The following TEC variants were observed in gnomAD, a reference collection of about 807,000 sequenced individuals.
TEC encodes tec protein tyrosine kinase, also known as tyrosine-protein kinase Tec.
TEC carries 72 observed loss-of-function variants against 93.0 expected under a neutral mutation model. The observed-to-expected ratio is 0.77, with a 90% CI of 0.64 to 0.94. The LOEUF is 0.94. TEC is among the 40% of genes least tolerant of loss of function. TEC has a pLI of 0.00. For missense variants in TEC, 630 were observed against 757.9 expected (o/e 0.83, Z 1.98); for synonymous variants, 249 against 247.7 (o/e 1.01, Z -0.05).
At chr4:48,198,886 TGTATATTCAAAG>T (rs1722395106) in intron 2 of TEC, among the ~76,000 whole-genome samples, 1 of 152,222 alleles carries the variant, frequency 6.6e-6, no homozygotes, top group South Asian at 2.1e-4. Flanking sequence ...CTGTGCAAAA[TGTATATTCAAAG>T]GTACCAAGGA....
chr4:48,262,426 A>G (rs956223844), intron 1 of TEC, among the ~76,000 whole-genome samples: 4 of 151,872 alleles, frequency 2.6e-5, no homozygotes, highest in African/African-American at 9.7e-5. Context: ...TGAACTCCTG[A>G]CTTCAAGTGA....
rs780984861 is a variant in TEC at position 48,145,156 on chromosome 4, C to T, written c.1393G>A (p.Val465Ile). 1.9e-6 allele frequency: 3 copies of T among 1,613,958 alleles called. No individual in the cohort carries two copies. Among genetic ancestry groups the T allele is most frequent in the Non-Finnish European group, 2.5e-6 (3 of 1,179,996 alleles). The change falls in exon 14 of 18, where the codon GTA (valine) becomes ATA (isoleucine). Residue 465 changes from valine (V) to isoleucine (I), a missense_variant. By Grantham distance (29) the Val-to-Ile change is conservative. Coordinates refer to ENST00000381501, the MANE Select transcript of TEC (RefSeq NM_003215.3). Reference sequence around the variant, plus strand: ...ACATCCTGACACATGCTCAGCAGTACGTCTCTACTGAAATGACCTTGTCTC... The same window carrying T: ...ACATCCTGACACATGCTCAGCAGTATGTCTCTACTGAAATGACCTTGTCTC... Reference protein sequence around the residue: ...RQRQGHFSRDVLLSMCQDVCE... With the variant: ...RQRQGHFSRDILLSMCQDVCE...
chr4:48,229,221 CCA>C (rs1723576384), intron 1 of TEC, among the ~76,000 whole-genome samples: 1 of 152,140 alleles, frequency 6.6e-6, no homozygotes, highest in Non-Finnish European at 1.5e-5. Flanking sequence ...CTACCATGCT[CCA>C]GAGTTCTCTT....
At chr4:48,209,530 C>T (rs1473488022) in intron 2 of TEC, among the ~76,000 whole-genome samples, 2 of 151,972 alleles carry the variant, frequency 1.3e-5, no homozygotes, top group African/African-American at 4.8e-5. Flanking sequence ...GGAGGATGGC[C>T]TGAGCCCAGG....
At chr4:48,213,447 ATATT>A (rs1722975845) in intron 2 of TEC, among the ~76,000 whole-genome samples, 1 of 152,240 alleles carries the variant, frequency 6.6e-6, no homozygotes, top group Middle Eastern at 3.2e-3. Flanking sequence ...GTGAACATTA[ATATT>A]TATTTATCTC....
intron 1 of TEC, among the ~76,000 whole-genome samples, chr4:48,261,743 C>T (rs2109679467): frequency 6.6e-6 from 1 of 152,238 alleles, no homozygotes; most frequent in South Asian, 2.1e-4. Context: ...AAGTCTGTCG[C>T]TTTGATACTC....
intron 2 of TEC, among the ~76,000 whole-genome samples, chr4:48,197,018 C>T (rs1722321361): frequency 6.6e-6 from 1 of 152,182 alleles, no homozygotes; most frequent in Non-Finnish European, 1.5e-5. Flanking sequence ...CACACGATAG[C>T]AGGGAGCATC....
At chr4:48,191,712 A>G (rs1722098743) in intron 2 of TEC, among the ~76,000 whole-genome samples, 1 of 152,282 alleles carries the variant, frequency 6.6e-6, no homozygotes, top group South Asian at 2.1e-4. Flanking sequence ...CATGCCTGTA[A>G]TCCCAGCAAC....
At chr4:48,208,931 G>A (rs1416695569) in intron 2 of TEC, among the ~76,000 whole-genome samples, 1 of 152,198 alleles carries the variant, frequency 6.6e-6, no homozygotes, top group Non-Finnish European at 1.5e-5. Context: ...GTCTGTGGGT[G>A]CCTTCCAAGT....
chr4:48,182,513 GC>G (rs1356858591), intron 2 of TEC, among the ~76,000 whole-genome samples: 1 of 148,952 alleles, frequency 6.7e-6, no homozygotes, highest in African/African-American at 2.5e-5. Context: ...GACCCAGTAT[GC>G]AAAGGACCAT....
chr4:48,138,428 C>A (rs1719518150), intron 17 of TEC, among the ~76,000 whole-genome samples: 1 of 152,176 alleles, frequency 6.6e-6, no homozygotes, highest in Non-Finnish European at 1.5e-5. Context: ...GGAAGGAGTC[C>A]CACTTGGAAG....
intron 9 of TEC, chr4:48,153,666 G>C (rs550158074): frequency 6.6e-6 from 1 of 152,256 alleles, no homozygotes; most frequent in Non-Finnish European, 1.5e-5. Flanking sequence ...GCACAAATGA[G>C]TTAAAAACAA....
intron 2 of TEC, among the ~76,000 whole-genome samples, chr4:48,216,661 T>C (rs1171428918): frequency 1.3e-5 from 2 of 152,218 alleles, no homozygotes; most frequent in Non-Finnish European, 2.9e-5. Context: ...CTTTTTGTAA[T>C]TGCCTTCAGT....
intron 2 of TEC, among the ~76,000 whole-genome samples, chr4:48,197,279 G>C (rs1722332352): frequency 6.6e-6 from 1 of 152,154 alleles, no homozygotes; most frequent in Admixed American, 6.5e-5. Flanking sequence ...TCTGCCACAT[G>C]CTCACTCTGC....
intron 1 of TEC, among the ~76,000 whole-genome samples, chr4:48,232,276 A>G (rs2704403): frequency 0.23 from 34,491 of 151,396 alleles, 4,520 homozygotes; most frequent in African/African-American, 0.35. Context: ...GTGACAGGGC[A>G]AGACTCTGTC....
chr4:48,146,922 G>T (rs1719941020), intron 11 of TEC, among the ~76,000 whole-genome samples: 1 of 152,128 alleles, frequency 6.6e-6, no homozygotes, highest in African/African-American at 2.4e-5. Flanking sequence ...TCTACTACAA[G>T]ATATCTCAAA....
intron 2 of TEC, among the ~76,000 whole-genome samples, chr4:48,200,838 G>A (rs1722480922): frequency 1.3e-5 from 2 of 152,318 alleles, no homozygotes; most frequent in South Asian, 2.1e-4. Flanking sequence ...CAAAAGATAA[G>A]CTAGGACTAT....
chr4:48,146,950 T>G (rs1019747435), intron 11 of TEC, among the ~76,000 whole-genome samples: 6 of 152,224 alleles, frequency 3.9e-5, no homozygotes, highest in Non-Finnish European at 7.3e-5. Context: ...AAAATCGTTA[T>G]GTACTTCTCT....
At chr4:48,183,752 T>G (rs1013009855) in intron 2 of TEC, among the ~76,000 whole-genome samples, 13 of 152,230 alleles carry the variant, frequency 8.5e-5, no homozygotes. Flanking sequence ...ATCTATTGCG[T>G]GAGCCCATTT....
Sources: gnomAD v4.1 joint callset for allele counts (sites outside exome capture counted in the v4.1 genomes callset) on GRCh38, gnomAD v4.1.1 for gene constraint, MANE v1.5 for transcripts, NCBI Gene and HGNC (gene_info 2026-07-23, HGNC 2026-07-21) for gene names.